EPB41L5: variants seen among roughly 807,000 people sequenced by gnomAD.
The protein encoded by EPB41L5 is erythrocyte membrane protein band 4.1 like 5, also known as band 4.1-like protein 5.
EPB41L5 carries 55 observed loss-of-function variants against 106.6 expected under a neutral mutation model. That is an observed-to-expected ratio of 0.52 (90% CI 0.42 to 0.65). EPB41L5 has a LOEUF of 0.65. EPB41L5 is among the 30% of genes least tolerant of loss of function. EPB41L5 has a pLI of 0.00. For synonymous variants in EPB41L5, 297 were observed against 306.7 expected, an observed-to-expected ratio of 0.97 and a Z score of 0.33; for missense variants, 871 against 882.1, an observed-to-expected ratio of 0.99 and a Z score of 0.16.
At chr2:120,096,525 C>T (rs1429699303) in intron 14 of EPB41L5, among the ~76,000 whole-genome samples, 3 of 152,176 alleles carry the variant, frequency 2.0e-5, no homozygotes, top group African/African-American at 4.8e-5. Context: ...AGCAGTGGCT[C>T]ATGCCTGTAA....
rs11902791 is a variant in EPB41L5 at position 120,080,919 on chromosome 2, C to T, written c.803+2338C>T. Among the ~76,000 whole-genome samples the T allele has an allele frequency of 1.4e-3, 207 of 152,132 alleles. 1 individual carries two copies. Among genetic ancestry groups the T allele is most frequent in the African/African-American group, 4.7e-3 (193 of 41,492 alleles). ...ATAAATGTCTTCTTTTGCGAAATGT[C>T]TGTTCATATCCTTTGCCCACTTTTT... On this transcript the variant is annotated intron_variant, in intron 10 of 24. Transcript: ENST00000263713.
chr2:120,047,501 A>G (rs1167919608), intron 3 of EPB41L5, among the ~76,000 whole-genome samples: 1 of 151,940 alleles, frequency 6.6e-6, no homozygotes, highest in Non-Finnish European at 1.5e-5. Context: ...TGATTTTTGC[A>G]CATTGATTTT....
intron 3 of EPB41L5, among the ~76,000 whole-genome samples, chr2:120,069,536 T>C (rs1226748569): frequency 6.6e-6 from 1 of 152,004 alleles, no homozygotes; most frequent in African/African-American, 2.4e-5. Flanking sequence ...CATCACTACA[T>C]CACACTTTAA....
At chr2:120,141,041 T>C (rs1686150234) in intron 18 of EPB41L5, among the ~76,000 whole-genome samples, 2 of 152,120 alleles carry the variant, frequency 1.3e-5, no homozygotes, top group African/African-American at 4.8e-5. Context: ...AGACTAGCAC[T>C]ACTGACAGCA....
chr2:120,159,193 G>A (rs899950579), intron 20 of EPB41L5, among the ~76,000 whole-genome samples: 10 of 151,634 alleles, frequency 6.6e-5, no homozygotes, highest in Non-Finnish European at 1.5e-4. Flanking sequence ...GGGAGGCCGA[G>A]GCGGGTGGAT....
At chr2:120,148,320 C>T (rs1302260051) in intron 20 of EPB41L5, among the ~76,000 whole-genome samples, 1 of 152,078 alleles carries the variant, frequency 6.6e-6, no homozygotes, top group African/African-American at 2.4e-5. Flanking sequence ...TACCCTCACT[C>T]CTTACCCTTT....
intron 11 of EPB41L5, 66 bp downstream of exon 11, chr2:120,087,306 C>G: frequency 1.0e-6 from 1 of 954,898 alleles, no homozygotes; most frequent in Non-Finnish European, 1.6e-6. Context: ...ACTTATTTCT[C>G]TAAAAGAGGG....
intron 21 of EPB41L5, among the ~76,000 whole-genome samples, chr2:120,163,960 T>TTTTTTA (rs148279488): frequency 1.1e-4 from 15 of 131,802 alleles, no homozygotes; most frequent in Non-Finnish European, 1.9e-4. Context: ...AAACAACTTT[T>TTTTTTA]TTTTATTTTT....
At chr2:120,164,466 C>T (rs997436859) in intron 21 of EPB41L5, among the ~76,000 whole-genome samples, 1 of 152,106 alleles carries the variant, frequency 6.6e-6, no homozygotes, top group African/African-American at 2.4e-5. Context: ...CCCGCCTTGG[C>T]CTCTCAGAGC....
rs756838673 is a variant in EPB41L5, at chr2:120,100,224, A to AT, written c.1179-11dup. ...AAATTTCATATAGGGTTTTTAATTG[A>AT]TTTTTTTTTCCCATTACAGTGTTCA... On this transcript the variant is annotated intron_variant, in intron 14 of 24. Transcript: ENST00000263713. 552 of 1,589,102 alleles carry AT rather than the reference A, an allele frequency of 3.5e-4. 1 individual carries two copies. Among genetic ancestry groups the AT allele is most frequent in the African/African-American group, 1.1e-3 (78 of 74,168 alleles).
intron 22 of EPB41L5, among the ~76,000 whole-genome samples, chr2:120,165,533 C>A (rs1687356655): frequency 6.6e-6 from 1 of 152,196 alleles, no homozygotes; most frequent in Non-Finnish European, 1.5e-5. Context: ...AAAGCCTGCA[C>A]ATGTTCAGTA....
At chr2:120,027,854 T>A (rs182619252) in intron 2 of EPB41L5, among the ~76,000 whole-genome samples, 307 of 152,322 alleles carry the variant, frequency 2.0e-3, no homozygotes, top group Non-Finnish European at 3.4e-3. Context: ...GCTATTTTTT[T>A]AAATTTCTTT....
rs201225791 is a variant in EPB41L5, at chr2:120,049,770, A to G, written c.285+7660A>G. On this transcript the variant is annotated intron_variant, in intron 3 of 24. Coordinates refer to ENST00000263713, the MANE Select transcript of EPB41L5 (RefSeq NM_020909.4). The stretch of plus-strand genomic sequence containing the variant: ...TTTCTTCCTAGCATCGATGGTCTTT[A>G]CAATTTGGCATGGTTTTGCAGTGGC... Among the ~76,000 whole-genome samples, 5 of 152,212 alleles carry G rather than the reference A, an allele frequency of 3.3e-5. No individual in the cohort carries two copies. In the East Asian group the frequency reaches 7.7e-4, roughly 24 times the overall value.
In EPB41L5 at chr2:120,160,943, T is replaced by TCA; in HGVS notation, c.1860_1861dup (p.Pro621HisfsTer9). The TCA allele has an allele frequency of 6.2e-7, 1 of 1,614,004 alleles. No individual in the cohort carries two copies. The highest frequency in any genetic ancestry group is 2.2e-5 in the East Asian group (1 of 44,876). Reference sequence around the variant, plus strand: ...GAGTCTCTTGAGACTCTGATGCTTATCACACCTGCCGACAGTGGTTCTGTT... The same window carrying TCA: ...GAGTCTCTTGAGACTCTGATGCTTATCACACACCTGCCGACAGTGGTTCTGTT... On this transcript the variant is annotated frameshift_variant, in exon 21 of 25. Transcript: ENST00000263713. LOFTEE classifies it high-confidence loss of function.
At chr2:120,090,756 T>C (rs532573475) in intron 12 of EPB41L5, among the ~76,000 whole-genome samples, 54 of 152,332 alleles carry the variant, frequency 3.5e-4, no homozygotes, top group Non-Finnish European at 6.0e-4. Context: ...ATGTTTACTT[T>C]ATATATTAAC....
chr2:120,144,861 A>G (rs1686330970), intron 19 of EPB41L5, among the ~76,000 whole-genome samples: 1 of 152,224 alleles, frequency 6.6e-6, no homozygotes, highest in Non-Finnish European at 1.5e-5. Context: ...TTATCATTCA[A>G]AACCCAAGAT....
At position 120,131,661 on chromosome 2, in the gene EPB41L5, G is replaced by GA; in HGVS notation, c.1547dup (p.Asn516LysfsTer14). 6.2e-7 allele frequency: 1 copy of GA among 1,613,688 alleles called. No homozygotes were observed. The highest frequency in any genetic ancestry group is 1.3e-5 in the African/African-American group (1 of 74,912). Reference sequence around the variant, plus strand: ...AGAAGCTCAAACAGCTTGAGATGGAGAACAGTCCTTTGCTGTCCCCTCGAT... The same window carrying GA: ...AGAAGCTCAAACAGCTTGAGATGGAGAAACAGTCCTTTGCTGTCCCCTCGAT... On this transcript the variant is annotated frameshift_variant, in exon 18 of 25. Coordinates refer to ENST00000263713, the MANE Select transcript of EPB41L5 (RefSeq NM_020909.4). LOFTEE classifies it high-confidence loss of function.
intron 3 of EPB41L5, among the ~76,000 whole-genome samples, chr2:120,047,051 T>A (rs1679830191): frequency 6.6e-6 from 1 of 152,224 alleles, no homozygotes; most frequent in Admixed American, 6.5e-5. Context: ...CCATGCTGTT[T>A]TGGTTACTGT....
At chr2:120,114,455 T>C (rs1471476023) in intron 16 of EPB41L5, among the ~76,000 whole-genome samples, 1 of 152,226 alleles carries the variant, frequency 6.6e-6, no homozygotes, top group Non-Finnish European at 1.5e-5. Context: ...CAGGCTAATG[T>C]AAGTGTTCTG....
Sources: allele counts gnomAD v4.1 joint callset (sites outside exome capture counted in the v4.1 genomes callset), GRCh38; gene constraint gnomAD v4.1.1; transcripts MANE v1.5; gene names NCBI Gene and HGNC (gene_info 2026-07-23, HGNC 2026-07-21).